Variants in TSHZ3 observed in about 807,000 individuals in gnomAD.
The protein encoded by TSHZ3 is teashirt zinc finger homeobox 3.
Under a neutral mutation model 64.5 loss-of-function variants are expected in TSHZ3, and 10 were observed. That is an observed-to-expected ratio of 0.16 (90% confidence interval 0.10 to 0.26). The LOEUF is 0.26. TSHZ3 is among the 10% of genes least tolerant of loss of function. TSHZ3 has a pLI of 1.00. For synonymous variants in TSHZ3, 608 were observed against 593.1 expected (o/e 1.03, Z -0.36); for missense variants, 1,242 against 1,421.7 (o/e 0.87, Z 2.03).
At position 31,279,415 on chromosome 19, in the gene TSHZ3, G is replaced by A. The variant is rs1568367708; in HGVS notation, c.378C>T (p.Leu126=). 1.9e-6 allele frequency: 3 copies of A among 1,614,242 alleles called. No homozygotes were observed. The highest frequency in any genetic ancestry group is 2.5e-6 in the Non-Finnish European group (3 of 1,180,048). The change falls in exon 2 of 2, where the codon CTC becomes CTT. Residue 126 remains leucine, a synonymous_variant. Coordinates refer to ENST00000240587, the MANE Select transcript of TSHZ3 (RefSeq NM_020856.4). The surrounding 1 kb of genome is among the most constrained non-coding windows in gnomAD (Gnocchi z 6.4). ...EQMKAVYNNF[L]SNSYWSNLNL... ...TGAGGTTGGACCAGTAGGAGTTGGA[G>A]AGGAAGTTGTTGTACACGGCCTTCA...
In TSHZ3 at chr19:31,337,720, A is replaced by AACACACACACACACACACACAC. The variant is rs372251116; in HGVS notation, c.40+11438_40+11459dup. Among the ~76,000 whole-genome samples, 350 of 146,060 alleles carry AACACACACACACACACACACAC rather than the reference A, an allele frequency of 2.4e-3. 4 individuals carry two copies. The highest frequency in any genetic ancestry group is 3.7e-3 in the African/African-American group (148 of 39,514). ...CTGCGAATAAAGTTATTTCAAAATAAACACACACACACACACACACACACA... is the reference window on the plus strand; with the variant it reads ...CTGCGAATAAAGTTATTTCAAAATAAACACACACACACACACACACACACACACACACACACACACACACACA... On this transcript the variant is annotated intron_variant, in intron 1 of 1. Coordinates refer to ENST00000240587, the MANE Select transcript of TSHZ3 (RefSeq NM_020856.4).
intron 1 of TSHZ3, among the ~76,000 whole-genome samples, chr19:31,312,454 ATCAGAGCAGGACAC>A (rs1290940064): frequency 6.6e-6 from 1 of 152,184 alleles, no homozygotes; most frequent in African/African-American, 2.4e-5. Context: ...GCAAATTCCC[ATCAGAGCAGGACAC>A]TCCATTGCTG....
intron 3 of TSHZ3, among the ~76,000 whole-genome samples, chr19:31,232,888 G>A (rs1049902163): frequency 6.6e-6 from 1 of 152,138 alleles, no homozygotes; most frequent in Non-Finnish European, 1.5e-5. Flanking sequence ...ATCCATGCAC[G>A]TATCCAGCAT....
rs1976312416 is a variant in TSHZ3, at chr19:31,279,144, T to A, written c.649A>T (p.Lys217Ter). The A allele has an allele frequency of 6.2e-7, 1 of 1,613,284 alleles. No individual in the cohort carries two copies. The change falls in exon 2 of 2, where the codon AAG becomes TAG. Residue 217 changes from lysine to a stop codon, truncating the protein, a stop_gained. Transcript: ENST00000240587. LOFTEE classifies it high-confidence loss of function. The surrounding 1 kb of genome is among the most constrained non-coding windows in gnomAD (Gnocchi z 6.4). ...IFTGASKFRC[K>*]DCSAAYDTLV... is the part of the protein sequence containing the mutation. ...GTGTCGTAGGCAGCGCTGCAGTCCT[T>A]ACAGCGGAACTTGCTGGCCCCCGTG...
chr19:31,171,314 A>G (rs1224734039), intron 5 of TSHZ3, among the ~76,000 whole-genome samples: 1 of 152,168 alleles, frequency 6.6e-6, no homozygotes, highest in African/African-American at 2.4e-5. Flanking sequence ...TCACTGAGAC[A>G]ATGAGTATTG....
chr19:31,310,013 T>A (rs939400866), intron 1 of TSHZ3, among the ~76,000 whole-genome samples: 1 of 152,210 alleles, frequency 6.6e-6, no homozygotes, highest in Admixed American at 6.5e-5. Context: ...TTTCAACACA[T>A]ACTCCAGTAG....
chr19:31,194,712 T>C (rs894795575), intron 5 of TSHZ3, among the ~76,000 whole-genome samples: 8 of 152,112 alleles, frequency 5.3e-5, no homozygotes, highest in Non-Finnish European at 1.0e-4. Context: ...AGCAAAACAG[T>C]GCAGATTGAA....
chr19:31,288,111 A>G (rs1453584429), intron 1 of TSHZ3, among the ~76,000 whole-genome samples: 1 of 151,750 alleles, frequency 6.6e-6, no homozygotes, highest in African/African-American at 2.4e-5. Context: ...AGAGTGCTTT[A>G]TTGTTTTTTG....
chr19:31,209,010 G>T (rs1975224134), intron 4 of TSHZ3, among the ~76,000 whole-genome samples: 1 of 152,170 alleles, frequency 6.6e-6, no homozygotes, highest in African/African-American at 2.4e-5. Flanking sequence ...TCTGAGGTGT[G>T]TGATGAGCAG....
chr19:31,270,876 A>G (rs1047375612), downstream of TSHZ3, among the ~76,000 whole-genome samples: 1 of 152,264 alleles, frequency 6.6e-6, no homozygotes, highest in African/African-American at 2.4e-5. Context: ...CTTAATCATC[A>G]GGAATGATTT....
At chr19:31,345,678 T>C (rs1489854526) in intron 1 of TSHZ3, among the ~76,000 whole-genome samples, 1 of 139,650 alleles carries the variant, frequency 7.2e-6, no homozygotes, top group Non-Finnish European at 1.6e-5. Flanking sequence ...TTCTTTTTGT[T>C]TTTTGTTTGG....
At chr19:31,270,323 G>GC (rs1976117819), downstream of TSHZ3, among the ~76,000 whole-genome samples, 6 of 152,278 alleles carry the variant, frequency 3.9e-5, no homozygotes, top group South Asian at 1.2e-3. Flanking sequence ...GGTATAGAAA[G>GC]CATTGTCCAA....
chr19:31,245,318 T>TA (rs1975746692), intron 1 of TSHZ3, among the ~76,000 whole-genome samples: 2 of 151,990 alleles, frequency 1.3e-5, no homozygotes, highest in Admixed American at 1.3e-4. Flanking sequence ...GGCAAGGAAC[T>TA]AAAATAAGAT....
intron 1 of TSHZ3, among the ~76,000 whole-genome samples, chr19:31,282,174 G>T (rs552335940): frequency 6.6e-6 from 1 of 152,092 alleles, no homozygotes; most frequent in Non-Finnish European, 1.5e-5. Context: ...TATTGTAAAC[G>T]GGGAAAGAGG....
chr19:31,334,292 TTAC>T (rs1286824818), intron 1 of TSHZ3, among the ~76,000 whole-genome samples: 2 of 152,184 alleles, frequency 1.3e-5, no homozygotes, highest in African/African-American at 4.8e-5. Flanking sequence ...AAGAGCCATT[TTAC>T]TACAACCTCA....
At chr19:31,173,180 C>T (rs1568336737) in intron 5 of TSHZ3, among the ~76,000 whole-genome samples, 1 of 152,160 alleles carries the variant, frequency 6.6e-6, no homozygotes, top group Non-Finnish European at 1.5e-5. Flanking sequence ...AAGCTGGTAG[C>T]AGCAGTTGTG....
At chr19:31,264,549 C>T (rs1306865310) in intron 1 of TSHZ3, among the ~76,000 whole-genome samples, 3 of 152,170 alleles carry the variant, frequency 2.0e-5, no homozygotes, top group Non-Finnish European at 2.9e-5. Context: ...CAGGGCCAGC[C>T]AGAGAGCGGA....
At chr19:31,302,713 G>A (rs1976775223) in intron 1 of TSHZ3, among the ~76,000 whole-genome samples, 1 of 152,044 alleles carries the variant, frequency 6.6e-6, no homozygotes, top group African/African-American at 2.4e-5. Context: ...TTTCCTATCA[G>A]AGTGTGTAGG....
chr19:31,337,419 T>C (rs1227722884), intron 1 of TSHZ3, among the ~76,000 whole-genome samples: 1 of 152,204 alleles, frequency 6.6e-6, no homozygotes, highest in Non-Finnish European at 1.5e-5. Flanking sequence ...AAAAATGGGA[T>C]GATGGCATTT....
Sources: gnomAD v4.1 joint callset for allele counts (sites outside exome capture counted in the v4.1 genomes callset) on GRCh38, gnomAD v4.1.1 for gene constraint, Gnocchi (gnomAD v3.1) non-coding constraint, MANE v1.5 for transcripts, NCBI Gene and HGNC (gene_info 2026-07-23, HGNC 2026-07-21) for gene names.